Variants in GPAT4 observed in about 807,000 individuals in gnomAD.
The protein encoded by GPAT4 is glycerol-3-phosphate acyltransferase 4, also known as 1-AGP acyltransferase 6.
A neutral mutation model predicts 58.0 loss-of-function variants in GPAT4; 17 were observed. That is an observed-to-expected ratio of 0.29 (90% CI 0.20 to 0.44). The LOEUF is 0.44. Among genes scored for constraint, GPAT4 ranks in the 20% least tolerant of loss-of-function variants. The probability of loss-of-function intolerance (pLI) is 1.00; values close to 1 mark genes in which losing one functional copy is unlikely to be tolerated. For missense variants in GPAT4, 377 were observed against 574.5 expected, an observed-to-expected ratio of 0.66 and a Z score of 3.51; for synonymous variants, 204 against 210.1, an observed-to-expected ratio of 0.97 and a Z score of 0.25.
chr8:41,619,362 T>A (rs1803686423), intron 12 of GPAT4: 1 of 257,052 alleles, frequency 3.9e-6, no homozygotes, highest in South Asian at 5.7e-5. Context: ...GTAAAGGTTG[T>A]GTTTGGTGTA....
rs372558815 is a variant in GPAT4 at position 41,612,853 on chromosome 8, A to G, written c.804A>G (p.Gln268=). 11 of 1,613,320 alleles carry G rather than the reference A, an allele frequency of 6.8e-6. No individual in the cohort carries two copies. In the African/African-American group the frequency reaches 1.2e-4, roughly 18 times the overall value. Residue 268 remains glutamine, a synonymous_variant, in exon 8 of 13, where the codon CAA becomes CAG. Transcript: ENST00000396987. ...ASDGYYAMVG[Q]VHGGLMGVIQ... ...CCTGTGCCTGCGCTTAGGTGGGTCAAGTGCACGGGGGACTCATGGGTGTGA... is the reference window on the plus strand; with the variant it reads ...CCTGTGCCTGCGCTTAGGTGGGTCAGGTGCACGGGGGACTCATGGGTGTGA...
chr8:41,614,245 A>G, intron 8 of GPAT4, 141 bp from the exon 9 acceptor site: 2 of 650,434 alleles, frequency 3.1e-6, no homozygotes, highest in Non-Finnish European at 2.5e-6. Context: ...GCATTAGATT[A>G]TGGGTTTAAA....
chr8:41,598,841 G>C lies in GPAT4; in HGVS notation c.-299G>C, dbSNP rs1030591322. On this transcript the variant is annotated 5_prime_UTR_variant, in exon 2 of 13. Coordinates refer to ENST00000396987, the MANE Select transcript of GPAT4 (RefSeq NM_178819.4). ...CCCGTCCTCACTGCTCACTTGCACA[G>C]AAACTCCATCTGGACTCGGATGCTT... is the stretch of plus-strand genomic sequence containing the variant. 5 of 348,272 alleles carry C rather than the reference G, an allele frequency of 1.4e-5. No individual in the cohort carries two copies. Among genetic ancestry groups the C allele is most frequent in the Non-Finnish European group, 2.0e-5 (4 of 195,258 alleles). The allele number at this position is 348,272 out of a possible 1,614,324, so 21.6% of individuals were successfully genotyped here.
chr8:41,610,005 T>C, intron 4 of GPAT4, 50 bp downstream of exon 4: 2 of 1,551,186 alleles, frequency 1.3e-6, no homozygotes, highest in Non-Finnish European at 1.7e-6. Flanking sequence ...CCCCACGTGG[T>C]GCACAGCCCA....
At position 41,613,032 on chromosome 8, in the gene GPAT4, C is replaced by T; in HGVS notation, c.911+72C>T. ...AAAAGGTTTCAGGGTAGTTATCCCT[C>T]CACAGTGCAGTTACGTGCCTTCTAT... On this transcript the variant is annotated intron_variant, in intron 8 of 12. Transcript: ENST00000396987. 3.8e-6 allele frequency: 5 copies of T among 1,301,582 alleles called. No individual in the cohort carries two copies. The South Asian group carries it at 6.4e-5, about 17-fold the overall frequency. The allele number at this position is 1,301,582 out of a possible 1,614,324, so 80.6% of individuals were successfully genotyped here.
chr8:41,618,739 C>T lies in GPAT4; in HGVS notation c.1109C>T (p.Thr370Met). Reference protein sequence around the residue: ...FWNSSKYGMVTYLLRMMTSWA... With the variant: ...FWNSSKYGMVMYLLRMMTSWA... ...AACAGCAGCAAATACGGGATGGTGA[C>T]GTACCTGCTGCGAATGATGACCAGC... The change falls in exon 11 of 13, where the codon ACG becomes ATG. Residue 370 changes from threonine to methionine, a missense_variant. By Grantham distance (81) the Thr-to-Met change is moderately conservative (BLOSUM62 -1). Transcript: ENST00000396987. 1 of 1,614,230 alleles carries T rather than the reference C, an allele frequency of 6.2e-7. No individual in the cohort carries two copies. The highest frequency in any genetic ancestry group is 8.5e-7 in the Non-Finnish European group (1 of 1,180,046).
chr8:41,591,595 T>G (rs1450895132), intron 1 of GPAT4, among the ~76,000 whole-genome samples: 1 of 152,348 alleles, frequency 6.6e-6, no homozygotes, highest in East Asian at 1.9e-4. Context: ...TTTTATCATT[T>G]GAAGAAGTAC....
rs191796014 is a variant in GPAT4, at chr8:41,580,226, C to T, written c.-849+1948C>T. Among the ~76,000 whole-genome samples the T allele has an allele frequency of 2.4e-3, 366 of 152,316 alleles. 4 individuals carry two copies. The highest frequency in any genetic ancestry group is 8.2e-3 in the African/African-American group (341 of 41,576). ...AGTTTTTAGGGAACATGATAAAATT[C>T]TGACCTTAGAAGTGGTATACCAGTT... On this transcript the variant is annotated intron_variant, in intron 1 of 12. Transcript: ENST00000396987.
intron 1 of GPAT4, among the ~76,000 whole-genome samples, chr8:41,588,929 G>A (rs1563268934): frequency 6.6e-6 from 1 of 152,212 alleles, no homozygotes; most frequent in African/African-American, 2.4e-5. Flanking sequence ...GATTCTGGGT[G>A]AGTTTGGTTG....
At chr8:41,613,887 G>C (rs1803518710) in intron 8 of GPAT4, among the ~76,000 whole-genome samples, 1 of 152,220 alleles carries the variant, frequency 6.6e-6, no homozygotes. Context: ...CCGCATTCCA[G>C]CCTGGGCAAC....
chr8:41,583,179 C>T (rs913798649), intron 1 of GPAT4, among the ~76,000 whole-genome samples: 4 of 151,798 alleles, frequency 2.6e-5, no homozygotes, highest in African/African-American at 4.8e-5. Context: ...GAGCAGAGAT[C>T]GCACCACTGC....
Position 41,598,352 on chromosome 8 carries a change from C to A in GPAT4, c.-788C>A, listed in dbSNP as rs2150491660. The A allele has an allele frequency of 6.6e-6, 1 of 152,348 alleles. No individual in the cohort carries two copies. The highest frequency in any genetic ancestry group is 3.4e-3 in the Middle Eastern group (1 of 294). The allele number at this position is 152,348 out of a possible 1,614,324, so 9.4% of individuals were successfully genotyped here. On this transcript the variant is annotated 5_prime_UTR_variant, in exon 2 of 13. Coordinates refer to ENST00000396987, the MANE Select transcript of GPAT4 (RefSeq NM_178819.4). Reference sequence around the variant, plus strand: ...CCAGGTCACTGCTAAGAAAGGGTGCCTTCGGGAGAAGAGTGTCCAGAGGAT... The same window carrying A: ...CCAGGTCACTGCTAAGAAAGGGTGCATTCGGGAGAAGAGTGTCCAGAGGAT...
At chr8:41,590,810 C>T (rs1333360965) in intron 1 of GPAT4, among the ~76,000 whole-genome samples, 1 of 152,124 alleles carries the variant, frequency 6.6e-6, no homozygotes, top group Non-Finnish European at 1.5e-5. Context: ...GTCATGGAGC[C>T]GTACAGAGGA....
Position 41,614,957 on chromosome 8 carries a change from T to C in GPAT4, c.968-6T>C, listed in dbSNP as rs1803553232. On this transcript the variant is annotated splice_region_variant and splice_polypyrimidine_tract_variant and intron_variant, in intron 9 of 12. Transcript: ENST00000396987. ...AAATAGCATTTTATTGTCTCCTGCATTTTAGGAACCTGCATCAATAATACA... is the reference window on the plus strand; with the variant it reads ...AAATAGCATTTTATTGTCTCCTGCACTTTAGGAACCTGCATCAATAATACA... The C allele has an allele frequency of 6.2e-7, 1 of 1,613,062 alleles. No individual in the cohort carries two copies.
chr8:41,603,564 A>G (rs1563274696), intron 2 of GPAT4, among the ~76,000 whole-genome samples: 1 of 151,304 alleles, frequency 6.6e-6, no homozygotes, highest in Admixed American at 6.6e-5. Context: ...TGGGCCCCAG[A>G]ACCTGCTTTA....
chr8:41,580,823 T>C (rs1245137371), intron 1 of GPAT4, among the ~76,000 whole-genome samples: 2 of 152,200 alleles, frequency 1.3e-5, no homozygotes, highest in Non-Finnish European at 2.9e-5. Flanking sequence ...AGGAGGCAAC[T>C]GTTGTGTGTC....
At chr8:41,578,785 T>G (rs1802433414) in intron 1 of GPAT4, among the ~76,000 whole-genome samples, 1 of 152,236 alleles carries the variant, frequency 6.6e-6, no homozygotes, top group Non-Finnish European at 1.5e-5. Context: ...ATCCCTTGCC[T>G]TTCCTTTTTT....
At chr8:41,610,015 A>T in intron 4 of GPAT4, 60 bp downstream of exon 4, 1 of 1,541,274 alleles carries the variant, frequency 6.5e-7, no homozygotes, top group South Asian at 1.3e-5. Context: ...TGCACAGCCC[A>T]CCTGCCTGCT....
At chr8:41,617,580 G>A (rs1263905497) in intron 10 of GPAT4, among the ~76,000 whole-genome samples, 6 of 152,046 alleles carry the variant, frequency 3.9e-5, no homozygotes, top group Non-Finnish European at 5.9e-5. Flanking sequence ...TGTCAAAATT[G>A]TCCAGTATTT....
Sources: allele counts gnomAD v4.1 joint callset (sites outside exome capture counted in the v4.1 genomes callset), GRCh38; gene constraint gnomAD v4.1.1; transcripts MANE v1.5; gene names NCBI Gene and HGNC (gene_info 2026-07-23, HGNC 2026-07-21).